The following NUP210 variants were observed in gnomAD, a reference collection of about 807,000 sequenced individuals.
The protein encoded by NUP210 is nuclear pore membrane glycoprotein 210.
In NUP210, 151 loss-of-function variants were observed where a neutral mutation model predicts 196.0. The observed-to-expected ratio is 0.77, with a 90% confidence interval of 0.67 to 0.88. The LOEUF is 0.88. Among genes scored for constraint, NUP210 ranks in the 40% least tolerant of loss-of-function variants. NUP210 has a pLI of 0.00. For missense variants in NUP210, 2,314 were observed against 2,493.7 expected, an observed-to-expected ratio of 0.93 and a Z score of 1.53; for synonymous variants, 1,070 against 1,052.7, an observed-to-expected ratio of 1.02 and a Z score of -0.32.
intron 18 of NUP210, 66 bp downstream of exon 18, chr3:13,353,488 T>G: frequency 1.5e-6 from 2 of 1,314,818 alleles, no homozygotes; most frequent in Non-Finnish European, 2.2e-6. Context: ...CCGGTGGAAT[T>G]TAAGCAGAAG....
In NUP210 at chr3:13,348,740, G is replaced by C. The variant is rs1163284498; in HGVS notation, c.2835+3139C>G. ...TGCTGAGGGCGTCCTGCCATCCAAG[G>C]GTCTGCCTCTGAGAAGAACAGGAAC... On this transcript the variant is annotated intron_variant, in intron 20 of 39. Coordinates refer to ENST00000254508, the MANE Select transcript of NUP210 (RefSeq NM_024923.4). This position sits in a 1 kb window ranked among gnomAD's most constrained non-coding sequence, Gnocchi z 4.0. 2.0e-6 allele frequency: 2 copies of C among 985,248 alleles called. No individual in the cohort carries two copies. Among genetic ancestry groups the C allele is most frequent in the East Asian group, 2.3e-4 (2 of 8,796 alleles). The allele number at this position is 985,248 out of a possible 1,614,324, so 61.0% of individuals were successfully genotyped here.
At chr3:13,374,984 T>C (rs1244331913) in intron 11 of NUP210, among the ~76,000 whole-genome samples, 3 of 152,218 alleles carry the variant, frequency 2.0e-5, no homozygotes, top group Non-Finnish European at 2.9e-5. Context: ...CAGTGATCCA[T>C]CCCATGTGAT....
intron 1 of NUP210, among the ~76,000 whole-genome samples, chr3:13,415,717 A>C (rs1190983385): frequency 6.6e-6 from 1 of 152,052 alleles, no homozygotes; most frequent in East Asian, 1.9e-4. Context: ...GCAACTTCTT[A>C]CAGGCCCTGT....
chr3:13,347,424 A>C lies in NUP210; in HGVS notation c.2836-4121T>G. On this transcript the variant is annotated intron_variant, in intron 20 of 39. Transcript: ENST00000254508. The surrounding 1 kb of genome is among the most constrained non-coding windows in gnomAD (Gnocchi z 4.7). ...GAAGGAAAACTTAGGCTTAAATCGG[A>C]TAAACACTCCTATGTGCAAACCAGC... 1 of 746,532 alleles carries C rather than the reference A, an allele frequency of 1.3e-6. No individual in the cohort carries two copies. The highest frequency in any genetic ancestry group is 1.6e-6 in the Non-Finnish European group (1 of 611,976). The allele number at this position is 746,532 out of a possible 1,614,324, so 46.2% of individuals were successfully genotyped here. A position where few individuals can be genotyped will look rare whatever the true frequency, so the allele number is the denominator to read the frequency against.
In NUP210 at chr3:13,353,983, C is replaced by T; in HGVS notation, c.2453G>A (p.Ser818Asn). 1 of 1,609,372 alleles carries T rather than the reference C, an allele frequency of 6.2e-7. No homozygotes were observed. The highest frequency in any genetic ancestry group is 8.5e-7 in the Non-Finnish European group (1 of 1,177,804). ...QWESTRPVLA[S>N]IEPELPMQLV... Reference sequence around the variant, plus strand: ...CTGCATGGGCAGCTCAGGCTCGATGCTGGCCAACACTGGCCTGGTGGACTC... The same window carrying T: ...CTGCATGGGCAGCTCAGGCTCGATGTTGGCCAACACTGGCCTGGTGGACTC... Residue 818 changes from serine (S) to asparagine (N), a missense_variant, in exon 17 of 40, where the codon AGC becomes AAC. Ser to Asn is a conservative substitution (Grantham distance 46, BLOSUM62 1). Transcript: ENST00000254508.
At chr3:13,329,531 A>G (rs1431265944) in intron 30 of NUP210, among the ~76,000 whole-genome samples, 1 of 152,250 alleles carries the variant, frequency 6.6e-6, no homozygotes, top group Non-Finnish European at 1.5e-5. Flanking sequence ...TGTCTGGTAT[A>G]CAGCTAGTGC....
chr3:13,419,236 C>T (rs531176197), intron 1 of NUP210, among the ~76,000 whole-genome samples: 14 of 152,194 alleles, frequency 9.2e-5, no homozygotes, highest in Non-Finnish European at 1.9e-4. Flanking sequence ...ACCCCTAGGA[C>T]GGCTGGGCTG....
At position 13,377,503 on chromosome 3, in the gene NUP210, T is replaced by G. The variant is rs1393976741; in HGVS notation, c.1105A>C (p.Thr369Pro). The change falls in exon 9 of 40, where the codon ACC becomes CCC. Residue 369 changes from threonine (T) to proline (P), a missense_variant. Transcript: ENST00000254508. ...VLETGRLYEI[T>P]IEVFDKFSNK... ...CTGAACTTGTCAAAAACTTCGATGG[T>G]GATTTCATACAGGCGGCCGGTCTCC... 2.5e-6 allele frequency: 4 copies of G among 1,613,626 alleles called. No homozygotes were observed. In the African/African-American group the frequency reaches 4.0e-5, roughly 16 times the overall value.
In NUP210 at chr3:13,373,698, T is replaced by C. The variant is rs759086915; in HGVS notation, c.1587+20A>G. 19 of 1,613,120 alleles carry C rather than the reference T, an allele frequency of 1.2e-5. No homozygotes were observed. The highest frequency in any genetic ancestry group is 1.4e-5 in the Non-Finnish European group (17 of 1,179,204). ...CACCATCCGAGCCTCCCAGGGGGTGTCTTGGCCCTGAGATCTCACCTTCAT... is the reference window on the plus strand; with the variant it reads ...CACCATCCGAGCCTCCCAGGGGGTGCCTTGGCCCTGAGATCTCACCTTCAT... On this transcript the variant is annotated intron_variant, in intron 12 of 39. Coordinates refer to ENST00000254508, the MANE Select transcript of NUP210 (RefSeq NM_024923.4).
intron 1 of NUP210, among the ~76,000 whole-genome samples, chr3:13,415,317 T>C (rs767862534): frequency 1.3e-5 from 2 of 152,222 alleles, no homozygotes; most frequent in Admixed American, 6.5e-5. Flanking sequence ...CATCAGTGCT[T>C]GTCCCCTGGT....
chr3:13,329,330 A>C (rs1275798127), intron 30 of NUP210, among the ~76,000 whole-genome samples: 1 of 152,218 alleles, frequency 6.6e-6, no homozygotes, highest in African/African-American at 2.4e-5. Flanking sequence ...TCGCAGGGGC[A>C]GCGCTAAGCA....
intron 13 of NUP210, among the ~76,000 whole-genome samples, chr3:13,369,759 T>C (rs1698663613): frequency 1.3e-5 from 2 of 152,244 alleles, no homozygotes; most frequent in South Asian, 4.1e-4. Flanking sequence ...CAGTATTCTA[T>C]TCTGTAAGTC....
At chr3:13,398,169 G>A (rs750243658) in intron 2 of NUP210, among the ~76,000 whole-genome samples, 1 of 152,234 alleles carries the variant, frequency 6.6e-6, no homozygotes, top group African/African-American at 2.4e-5. Context: ...GCCAGGTGTG[G>A]TGGCTCACGT....
intron 1 of NUP210, among the ~76,000 whole-genome samples, chr3:13,400,498 G>A (rs1271699239): frequency 6.6e-6 from 1 of 152,226 alleles, no homozygotes; most frequent in Admixed American, 6.5e-5. Context: ...CAGGAGGAAG[G>A]ATAACAGGAA....
In NUP210 at chr3:13,410,640, G is replaced by C. The variant is rs112018539; in HGVS notation, c.167+9420C>G. Among the ~76,000 whole-genome samples, 320 of 148,740 alleles carry C rather than the reference G, an allele frequency of 2.2e-3. 1 individual carries two copies. The highest frequency in any genetic ancestry group is 7.5e-3 in the African/African-American group (301 of 40,164). On this transcript the variant is annotated intron_variant, in intron 1 of 39. Coordinates refer to ENST00000254508, the MANE Select transcript of NUP210 (RefSeq NM_024923.4). ...TTCTAAAAAAAAAAACAAAAAGGCCGGGCACGGTGGCTCACACCTGTAATC... is the reference window on the plus strand; with the variant it reads ...TTCTAAAAAAAAAAACAAAAAGGCCCGGCACGGTGGCTCACACCTGTAATC...
chr3:13,394,836 A>C (rs7622028), intron 3 of NUP210, among the ~76,000 whole-genome samples: 87,739 of 152,052 alleles, frequency 0.58, 26,508 homozygotes, highest in African/African-American at 0.76. Flanking sequence ...GATCAAGTTC[A>C]TCTTCACAGA....
intron 20 of NUP210, among the ~76,000 whole-genome samples, chr3:13,346,106 G>A (rs1697714271): frequency 6.6e-6 from 1 of 152,226 alleles, no homozygotes; most frequent in Non-Finnish European, 1.5e-5. Context: ...GAAATCAATT[G>A]CTCTTCCACT....
chr3:13,407,677 A>G (rs553021061), intron 1 of NUP210, among the ~76,000 whole-genome samples: 16 of 152,182 alleles, frequency 1.1e-4, no homozygotes, highest in African/African-American at 3.6e-4. Context: ...CAACCTTCTT[A>G]GCTCACCAAA....
chr3:13,319,008 T>TC (rs1696389925), intron 39 of NUP210, 64 bp downstream of exon 39: 3 of 1,465,704 alleles, frequency 2.0e-6, no homozygotes, highest in Non-Finnish European at 9.2e-7. Context: ...CCTCGACCCC[T>TC]CCCCCAGGGC....
Sources: gnomAD v4.1 joint callset for allele counts (sites outside exome capture counted in the v4.1 genomes callset) on GRCh38, gnomAD v4.1.1 for gene constraint, Gnocchi (gnomAD v3.1) non-coding constraint, MANE v1.5 for transcripts, NCBI Gene and HGNC (gene_info 2026-07-23, HGNC 2026-07-21) for gene names.